Variants in SMYD3 observed in about 807,000 individuals in gnomAD.
The protein encoded by SMYD3 is SET and MYND domain containing 3.
A neutral mutation model predicts 57.7 loss-of-function variants in SMYD3; 36 were observed. That is an observed-to-expected ratio of 0.62 (90% CI 0.48 to 0.82). SMYD3 has a LOEUF of 0.82. Ranked by LOEUF, SMYD3 falls within the 40% of genes least tolerant of loss-of-function variation. The probability of loss-of-function intolerance (pLI) is 0.00; values close to 1 mark genes in which losing one functional copy is unlikely to be tolerated. For synonymous variants in SMYD3, 211 were observed against 195.0 expected (o/e 1.08, Z -0.68); for missense variants, 515 against 538.8 (o/e 0.96, Z 0.44).
intron 1 of SMYD3, among the ~76,000 whole-genome samples, chr1:246,431,360 C>T (rs1400988405): frequency 1.3e-5 from 2 of 152,160 alleles, no homozygotes; most frequent in African/African-American, 2.4e-5. Flanking sequence ...AAAAATCCAG[C>T]AAATACACAG....
At chr1:246,482,233 C>T (rs1158423673) in intron 1 of SMYD3, among the ~76,000 whole-genome samples, 1 of 152,112 alleles carries the variant, frequency 6.6e-6, no homozygotes, top group East Asian at 1.9e-4. Context: ...AATGGTGGGT[C>T]AGCCCAGGGC....
In SMYD3 at chr1:246,248,631, C is replaced by CTTGTTTTTTTTTTTTTTT. The variant is rs1309872022; in HGVS notation, c.531+78569_531+78570insAAAAAAAAAAAAAAACAA. 1.5e-4 allele frequency among the ~76,000 whole-genome samples: 18 copies of CTTGTTTTTTTTTTTTTTT among 119,258 alleles called. 2 individuals carry two copies. The highest frequency in any genetic ancestry group is 2.7e-4 in the African/African-American group (8 of 29,306). 78.2% of individuals were successfully genotyped at this position (119,258 alleles called of 152,430 possible). ...GGCCAGTTATGCAAAAGCTCTCTGA[C>CTTGTTTTTTTTTTTTTTT]TTTCCTTTTTTTTTTTTTTTTTTTT... is the stretch of plus-strand genomic sequence containing the variant. On this transcript the variant is annotated intron_variant, in intron 5 of 11. Coordinates refer to ENST00000490107, the MANE Select transcript of SMYD3 (RefSeq NM_001167740.2).
chr1:246,282,545 T>C (rs940849179), intron 5 of SMYD3, among the ~76,000 whole-genome samples: 4 of 85,706 alleles, frequency 4.7e-5, no homozygotes, highest in Non-Finnish European at 8.7e-5. Flanking sequence ...AAATTATTTG[T>C]TCCAAAAAAA....
At chr1:245,788,122 G>C (rs1325489956) in intron 10 of SMYD3, among the ~76,000 whole-genome samples, 1 of 151,966 alleles carries the variant, frequency 6.6e-6, no homozygotes, top group Non-Finnish European at 1.5e-5. Context: ...AAGGAGAATG[G>C]AGTCCAGATT....
chr1:246,186,748 T>A, intron 5 of SMYD3: 1 of 985,224 alleles, frequency 1.0e-6, no homozygotes, highest in Non-Finnish European at 1.2e-6. Context: ...CTTACAATAA[T>A]CCCACCAGGG....
intron 8 of SMYD3, among the ~76,000 whole-genome samples, chr1:245,896,260 C>T (rs569996256): frequency 6.6e-5 from 10 of 151,984 alleles, no homozygotes; most frequent in East Asian, 3.9e-4. Context: ...CCTATGTACT[C>T]GAAAAGCAAC....
chr1:245,896,321 TCTA>T (rs1204818352), intron 8 of SMYD3, among the ~76,000 whole-genome samples: 1 of 140,388 alleles, frequency 7.1e-6, no homozygotes, highest in African/African-American at 2.7e-5. Flanking sequence ...AGCGTTCCCT[TCTA>T]CTCCAAATCC....
chr1:245,822,208 T>A (rs540303982), intron 10 of SMYD3, among the ~76,000 whole-genome samples: 1 of 152,020 alleles, frequency 6.6e-6, no homozygotes, highest in Non-Finnish European at 1.5e-5. Flanking sequence ...CATGGAATAC[T>A]ATGCAGCCAT....
chr1:246,351,236 T>C (rs919760638), intron 2 of SMYD3, among the ~76,000 whole-genome samples: 5 of 152,260 alleles, frequency 3.3e-5, no homozygotes, highest in Non-Finnish European at 7.3e-5. Flanking sequence ...TTAAAAAGTA[T>C]ATAAATTACA....
intron 5 of SMYD3, among the ~76,000 whole-genome samples, chr1:245,931,375 G>A (rs1383566225): frequency 6.6e-6 from 1 of 152,164 alleles, no homozygotes; most frequent in Non-Finnish European, 1.5e-5. Flanking sequence ...CGGCTTGTGG[G>A]GAATGAAAGG....
chr1:246,400,968 C>T (rs989131444), intron 1 of SMYD3, among the ~76,000 whole-genome samples: 14 of 152,146 alleles, frequency 9.2e-5, no homozygotes, highest in African/African-American at 3.4e-4. Context: ...ATAAAATTCA[C>T]AAAATCTGAA....
At chr1:245,893,891 T>TA (rs2053559937) in intron 8 of SMYD3, among the ~76,000 whole-genome samples, 1 of 152,222 alleles carries the variant, frequency 6.6e-6, no homozygotes, top group Admixed American at 6.5e-5. Context: ...GTCTATCTGT[T>TA]ACTCTTATCA....
intron 8 of SMYD3, among the ~76,000 whole-genome samples, chr1:245,906,512 G>A (rs993837747): frequency 6.6e-6 from 1 of 152,136 alleles, no homozygotes; most frequent in African/African-American, 2.4e-5. Context: ...TGAGGATGTG[G>A]AGAAAAGGGA....
chr1:246,054,438 C>T (rs958750195), intron 5 of SMYD3, among the ~76,000 whole-genome samples: 1 of 152,056 alleles, frequency 6.6e-6, no homozygotes, highest in African/African-American at 2.4e-5. Flanking sequence ...TAAGAGAAAA[C>T]GTATGTCATA....
At chr1:245,965,532 G>A (rs1199204679) in intron 5 of SMYD3, among the ~76,000 whole-genome samples, 3 of 152,142 alleles carry the variant, frequency 2.0e-5, no homozygotes, top group Admixed American at 2.0e-4. Context: ...GGTACATCTA[G>A]ACAACAGATT....
chr1:246,200,367 T>G (rs1021380912), intron 5 of SMYD3, among the ~76,000 whole-genome samples: 1 of 149,116 alleles, frequency 6.7e-6, no homozygotes, highest in Admixed American at 6.7e-5. Flanking sequence ...ACGTCCACTG[T>G]GATACAGAGG....
chr1:246,326,764 A>G, intron 5 of SMYD3: 1 of 268,268 alleles, frequency 3.7e-6, no homozygotes, highest in South Asian at 7.4e-5. Flanking sequence ...ACTCTGTCTA[A>G]AAACAAAAAA....
chr1:246,082,714 T>C (rs34091495), intron 5 of SMYD3, among the ~76,000 whole-genome samples: 30,371 of 151,956 alleles, frequency 0.2, 3,489 homozygotes, highest in East Asian at 0.4. Flanking sequence ...GATCAGACTG[T>C]TACTGTGTCT....
intron 5 of SMYD3, among the ~76,000 whole-genome samples, chr1:246,151,029 C>A (rs935403328): frequency 6.6e-6 from 1 of 152,040 alleles, no homozygotes; most frequent in African/African-American, 2.4e-5. Flanking sequence ...GGGTGGATCA[C>A]GAGGTCAGGA....
Sources: allele counts gnomAD v4.1 joint callset (sites outside exome capture counted in the v4.1 genomes callset), GRCh38; gene constraint gnomAD v4.1.1; transcripts MANE v1.5; gene names NCBI Gene and HGNC (gene_info 2026-07-23, HGNC 2026-07-21).